CACNA1H: variants seen among roughly 807,000 people sequenced by gnomAD.
CACNA1H encodes voltage-dependent T-type calcium channel subunit alpha-1H.
In CACNA1H, 149 loss-of-function variants were observed where a neutral mutation model predicts 192.5. The ratio of observed to expected loss-of-function variants is 0.77; its 90% confidence interval spans 0.68 to 0.89. The LOEUF (loss-of-function observed/expected upper bound fraction) is 0.89, where lower values mean the gene tolerates loss of function less well. Among genes scored for constraint, CACNA1H ranks in the 40% least tolerant of loss-of-function variants. The pLI, the probability that CACNA1H is intolerant of heterozygous loss-of-function variation, is 0.00. For synonymous variants in CACNA1H, 2,202 were observed against 1,475.2 expected (o/e 1.49, Z -11.29); for missense variants, 4,257 against 3,423.5 (o/e 1.24, Z -6.08).
At position 1,195,970 on chromosome 16, in the gene CACNA1H, C is replaced by T; in HGVS notation, c.590C>T (p.Ala197Val). Reference protein sequence around the residue: ...SLDGHNVSLSAIRTVRVLRPL... With the variant: ...SLDGHNVSLSVIRTVRVLRPL... ...GACGGACACAACGTGAGCCTCTCGG[C>T]TATCAGGACCGTGCGGGTGCTGCGG... is the stretch of plus-strand genomic sequence containing the variant. Residue 197 changes from alanine to valine, a missense_variant, in exon 5 of 35, where the codon GCT becomes GTT. Coordinates refer to ENST00000348261, the MANE Select transcript of CACNA1H (RefSeq NM_021098.3). The T allele has an allele frequency of 6.2e-7, 1 of 1,613,130 alleles. No homozygotes were observed. Among genetic ancestry groups the T allele is most frequent in the Non-Finnish European group, 8.5e-7 (1 of 1,179,842 alleles).
At chr16:1,195,858 G>T in intron 4 of CACNA1H, 68 bp from the exon 5 acceptor site, 2 of 1,229,772 alleles carry the variant, frequency 1.6e-6, no homozygotes, top group South Asian at 1.2e-5. Flanking sequence ...ACCCTACTTT[G>T]CACCCCAGCC....
In CACNA1H at chr16:1,186,620, G is replaced by A. The variant is rs543115770; in HGVS notation, c.300-8352G>A. Among the ~76,000 whole-genome samples, 33 of 152,196 alleles carry A rather than the reference G, an allele frequency of 2.2e-4. No homozygotes were observed. In the South Asian group the frequency reaches 6.8e-3, roughly 32 times the overall value. ...GATGGCCTGCACTGTGGCTTCTGTCGTGAATGTGGTCACGTGTCCTCCGTG... is the reference window on the plus strand; with the variant it reads ...GATGGCCTGCACTGTGGCTTCTGTCATGAATGTGGTCACGTGTCCTCCGTG... On this transcript the variant is annotated intron_variant, in intron 2 of 34. Coordinates refer to ENST00000348261, the MANE Select transcript of CACNA1H (RefSeq NM_021098.3).
Position 1,220,744 on chromosome 16 carries a change from T to C in CACNA1H, c.6812T>C (p.Leu2271Pro). ...LTVPSFAFEP[L>P]DLGVPSGDPF... ...GTCCCCAGCTTTGCCTTTGAGCCGCTGGACCTCGGGGTCCCCAGTGGAGAC... is the reference window on the plus strand; with the variant it reads ...GTCCCCAGCTTTGCCTTTGAGCCGCCGGACCTCGGGGTCCCCAGTGGAGAC... The change falls in exon 35 of 35, where the codon CTG becomes CCG. Residue 2271 changes from leucine to proline, a missense_variant. Coordinates refer to ENST00000348261, the MANE Select transcript of CACNA1H (RefSeq NM_021098.3). 6.2e-7 allele frequency: 1 copy of C among 1,612,378 alleles called. No individual in the cohort carries two copies. The highest frequency in any genetic ancestry group is 8.5e-7 in the Non-Finnish European group (1 of 1,179,714).
At chr16:1,153,572 GGGGC>G (rs1169565424) in intron 1 of CACNA1H, 102 bp downstream of exon 1, 3 of 378,974 alleles carry the variant, frequency 7.9e-6, no homozygotes, top group Admixed American at 5.0e-5. Context: ...AGGGAGGGAG[GGGGC>G]GGGCGGGGGC....
rs376585295 is a variant in CACNA1H at position 1,191,852 on chromosome 16, A to G, written c.300-3120A>G. Among the ~76,000 whole-genome samples, 47 of 139,622 alleles carry G rather than the reference A, an allele frequency of 3.4e-4. No individual in the cohort carries two copies. The East Asian group carries it at 0.01, about 30-fold the overall frequency. 91.6% of individuals were successfully genotyped at this position (139,622 alleles called of 152,430 possible). A position where few individuals can be genotyped will look rare whatever the true frequency, so the allele number is the denominator to read the frequency against. On this transcript the variant is annotated intron_variant, in intron 2 of 34. Transcript: ENST00000348261. ...CAGGCTGGCCTGGTTGTGTGGCCTCAGGCACACTCAGGGTTTTGGTGACCC... is the reference window on the plus strand; with the variant it reads ...CAGGCTGGCCTGGTTGTGTGGCCTCGGGCACACTCAGGGTTTTGGTGACCC...
At position 1,212,035 on chromosome 16, in the gene CACNA1H, C is replaced by A. The variant is rs1427676254; in HGVS notation, c.4656C>A (p.Gly1552=). 6.2e-7 allele frequency: 1 copy of A among 1,613,376 alleles called. No individual in the cohort carries two copies. The highest frequency in any genetic ancestry group is 8.5e-7 in the Non-Finnish European group (1 of 1,179,684). ...VSFFVLNMFV[G]VVVENFHKCR... is the part of the protein sequence containing the mutation. ...TCTTCGTGCTCAACATGTTCGTGGG[C>A]GTCGTGGTCGAGAACTTCCACAAGT... The change falls in exon 25 of 35, where the codon GGC becomes GGA. Residue 1552 remains glycine, a synonymous_variant. Coordinates refer to ENST00000348261, the MANE Select transcript of CACNA1H (RefSeq NM_021098.3).
chr16:1,220,925 T>C lies in CACNA1H; in HGVS notation c.6993T>C (p.Cys2331=), dbSNP rs1555521325. 5 of 1,609,554 alleles carry C rather than the reference T, an allele frequency of 3.1e-6. No homozygotes were observed. The highest frequency in any genetic ancestry group is 3.3e-4 in the Middle Eastern group (2 of 6,046). Residue 2331 remains cysteine, a synonymous_variant, in exon 35 of 35, where the codon TGT becomes TGC. Coordinates refer to ENST00000348261, the MANE Select transcript of CACNA1H (RefSeq NM_021098.3). ...RRGLYLTVPQ[C]PLEKPGSPSA... is the part of the protein sequence containing the mutation. ...GGCTGTACCTCACAGTCCCCCAGTG[T>C]CCTCTGGAGAAACCAGGGTCCCCCT...
chr16:1,209,421 G>A lies in CACNA1H; in HGVS notation c.3744+9G>A, dbSNP rs377367672. On this transcript the variant is annotated intron_variant, in intron 17 of 34. Transcript: ENST00000348261. ...ACGACGACTCGGAGGACGTGAGTGC[G>A]TGGCCCTGGGCCCACCGCCGACTCG... The A allele has an allele frequency of 1.6e-4, 255 of 1,596,216 alleles. 1 individual carries two copies. Among genetic ancestry groups the A allele is most frequent in the South Asian group, 8.9e-4 (81 of 90,900 alleles).
In CACNA1H at chr16:1,221,500, C is replaced by G. The variant is rs759352907; in HGVS notation, c.*506C>G. On this transcript the variant is annotated 3_prime_UTR_variant, in exon 35 of 35. Coordinates refer to ENST00000348261, the MANE Select transcript of CACNA1H (RefSeq NM_021098.3). ...CCTTCCAGCCACCACCCTTTCCGTT[C>G]CGCTCGGGCCTTCCCAGAAGCGTCC... 2 of 391,432 alleles carry G rather than the reference C, an allele frequency of 5.1e-6. No homozygotes were observed. Among genetic ancestry groups the G allele is most frequent in the Non-Finnish European group, 9.1e-6 (2 of 218,870 alleles). 24.2% of individuals were successfully genotyped at this position (391,432 alleles called of 1,614,324 possible).
intron 2 of CACNA1H, among the ~76,000 whole-genome samples, chr16:1,181,965 C>T (rs549421394): frequency 9.1e-4 from 139 of 152,328 alleles, no homozygotes; most frequent in Non-Finnish European, 1.7e-3. Context: ...CACGCATGCC[C>T]CCTCGCACAC....
rs549582160 is a variant in CACNA1H, at chr16:1,180,575, G to T, written c.300-14397G>T. Among the ~76,000 whole-genome samples the T allele has an allele frequency of 4.6e-5, 7 of 152,240 alleles. No individual in the cohort carries two copies. The highest frequency in any genetic ancestry group is 2.1e-4 in the South Asian group (1 of 4,822). ...GGGGCTGCAGTCACAGCCAGGCCGTGGGGGGGCCAGGGAGGAGGGGCTGCT... is the reference window on the plus strand; with the variant it reads ...GGGGCTGCAGTCACAGCCAGGCCGTTGGGGGGCCAGGGAGGAGGGGCTGCT... On this transcript the variant is annotated intron_variant, in intron 2 of 34. Coordinates refer to ENST00000348261, the MANE Select transcript of CACNA1H (RefSeq NM_021098.3). This position sits in a 1 kb window ranked among gnomAD's most constrained non-coding sequence, Gnocchi z 4.4.
rs965429431 is a variant in CACNA1H at position 1,221,048 on chromosome 16, G to A, written c.*54G>A. 2.2e-6 allele frequency: 3 copies of A among 1,380,822 alleles called. No homozygotes were observed. The highest frequency in any genetic ancestry group is 2.9e-6 in the Non-Finnish European group (3 of 1,027,480). The allele number at this position is 1,380,822 out of a possible 1,614,324, so 85.5% of individuals were successfully genotyped here. On this transcript the variant is annotated 3_prime_UTR_variant, in exon 35 of 35. Coordinates refer to ENST00000348261, the MANE Select transcript of CACNA1H (RefSeq NM_021098.3). ...GGCCCTGGGGTCTGGGGGCCCCGCT[G>A]GGGTGGAGGCCCAGGCAGAACCCTG...
At chr16:1,217,652 C>T (rs942202651) in intron 31 of CACNA1H, among the ~76,000 whole-genome samples, 4 of 152,212 alleles carry the variant, frequency 2.6e-5, no homozygotes, top group African/African-American at 7.2e-5. Context: ...CAGTCACAGA[C>T]ACACACAATA....
Position 1,198,728 on chromosome 16 carries a change from G to A in CACNA1H, c.757G>A (p.Ala253Thr), listed in dbSNP as rs928701675. 5 of 1,612,954 alleles carry A rather than the reference G, an allele frequency of 3.1e-6. No homozygotes were observed. Among genetic ancestry groups the A allele is most frequent in the Non-Finnish European group, 3.4e-6 (4 of 1,179,566 alleles). Residue 253 changes from alanine to threonine, a missense_variant, in exon 6 of 35, where the codon GCT (alanine) becomes ACT (threonine). Coordinates refer to ENST00000348261, the MANE Select transcript of CACNA1H (RefSeq NM_021098.3). ...CGGCATCGTTGGCGTCCAGCTCTGG[G>A]CTGGCCTCCTGCGGAACCGCTGCTT... ...IFGIVGVQLWAGLLRNRCFLD... is the reference protein window; with the variant it reads ...IFGIVGVQLWTGLLRNRCFLD...
At chr16:1,175,727 T>C (rs1354924298) in intron 2 of CACNA1H, among the ~76,000 whole-genome samples, 2 of 152,196 alleles carry the variant, frequency 1.3e-5, no homozygotes, top group Non-Finnish European at 2.9e-5. Flanking sequence ...AGGAAGATCC[T>C]GGGAGTGGGT....
rs763330346 is a variant in CACNA1H at position 1,220,224 on chromosome 16, G to A, written c.6292G>A (p.Asp2098Asn). 18 of 1,579,232 alleles carry A rather than the reference G, an allele frequency of 1.1e-5. No homozygotes were observed. Among genetic ancestry groups the A allele is most frequent in the South Asian group, 3.4e-5 (3 of 88,032 alleles). ...GGAGGCCGAGGCCTCGGACCCAGCC[G>A]ACGAGGAGGTCAGCCACATCACCAG... Reference protein sequence around the residue: ...GEEAEASDPADEEVSHITSSA... With the variant: ...GEEAEASDPANEEVSHITSSA... Residue 2098 changes from aspartate (D) to asparagine (N), a missense_variant, in exon 35 of 35, where the codon GAC becomes AAC. Transcript: ENST00000348261.
At chr16:1,211,099 G>C (rs1309630374) in intron 21 of CACNA1H, 69 bp from the exon 22 acceptor site, 1 of 1,585,488 alleles carries the variant, frequency 6.3e-7, no homozygotes, top group East Asian at 2.2e-5. Flanking sequence ...TGGGACCTTT[G>C]CTGAGCTCTG....
In CACNA1H at chr16:1,202,463, AG is replaced by A; in HGVS notation, c.2002+12del. 3.4e-6 allele frequency: 5 copies of A among 1,473,220 alleles called. No individual in the cohort carries two copies. Among genetic ancestry groups the A allele is most frequent in the South Asian group, 1.4e-5 (1 of 73,252 alleles). 91.3% of individuals were successfully genotyped at this position (1,473,220 alleles called of 1,614,324 possible). A position where few individuals can be genotyped will look rare whatever the true frequency, so the allele number is the denominator to read the frequency against. On this transcript the variant is annotated intron_variant, in intron 9 of 34. Coordinates refer to ENST00000348261, the MANE Select transcript of CACNA1H (RefSeq NM_021098.3). Reference sequence around the variant, plus strand: ...TGGTCGGGGAGCATGGTGAGGACCCAGCCCCACCCCACGGAGGAGGCGGTGG... The same window carrying A: ...TGGTCGGGGAGCATGGTGAGGACCCACCCCACCCCACGGAGGAGGCGGTGG...
intron 34 of CACNA1H, among the ~76,000 whole-genome samples, chr16:1,219,550 T>C (rs1016145639): frequency 1.3e-5 from 2 of 152,232 alleles, no homozygotes; most frequent in Admixed American, 6.5e-5. Context: ...TGTGTTCAGA[T>C]GTCCCAGCCT....
Sources: gnomAD v4.1 joint callset for allele counts (sites outside exome capture counted in the v4.1 genomes callset) on GRCh38, gnomAD v4.1.1 for gene constraint, Gnocchi (gnomAD v3.1) non-coding constraint, MANE v1.5 for transcripts, NCBI Gene and HGNC (gene_info 2026-07-23, HGNC 2026-07-21) for gene names.